Variants in LDB3 observed in about 807,000 individuals in gnomAD.
The protein encoded by LDB3 is LIM domain-binding protein 3.
A neutral mutation model predicts 69.0 loss-of-function variants in LDB3; 49 were observed. The observed-to-expected ratio is 0.71, with a 90% CI of 0.56 to 0.90. The LOEUF is 0.90. Among genes scored for constraint, LDB3 ranks in the 40% least tolerant of loss-of-function variants. The probability of loss-of-function intolerance (pLI) is 0.00; values close to 1 mark genes in which losing one functional copy is unlikely to be tolerated. For missense variants in LDB3, 928 were observed against 974.1 expected (o/e 0.95, Z 0.63); for synonymous variants, 387 against 396.2 (o/e 0.98, Z 0.28).
At chr10:86,668,129 G>C (rs1455879607), upstream of LDB3, among the ~76,000 whole-genome samples, 1 of 152,174 alleles carries the variant, frequency 6.6e-6, no homozygotes, top group East Asian at 1.9e-4. Context: ...GGCACCTCCA[G>C]GGCCCCATAC....
intron 5 of LDB3, among the ~76,000 whole-genome samples, chr10:86,683,456 G>T (rs1005044959): frequency 6.6e-6 from 1 of 152,238 alleles, no homozygotes; most frequent in Non-Finnish European, 1.5e-5. Flanking sequence ...ACTCCACTTT[G>T]CATTGAGACA....
At position 86,701,773 on chromosome 10, in the gene LDB3, C is replaced by T. The variant is rs1304171130; in HGVS notation, c.897-4758C>T. Reference sequence around the variant, plus strand: ...GGACAGATACTCTAAGCAGAACAAGCAGAGGTGCTGATGAGAAGTGGTGTC... The same window carrying T: ...GGACAGATACTCTAAGCAGAACAAGTAGAGGTGCTGATGAGAAGTGGTGTC... On this transcript the variant is annotated intron_variant, in intron 7 of 13. Transcript: ENST00000361373. Among the ~76,000 whole-genome samples the T allele has an allele frequency of 3.9e-5, 6 of 152,288 alleles. No individual in the cohort carries two copies. In the South Asian group the frequency reaches 1.2e-3, roughly 32 times the overall value.
intron 2 of LDB3, among the ~76,000 whole-genome samples, chr10:86,669,794 C>A (rs950695575): frequency 6.6e-6 from 1 of 152,352 alleles, no homozygotes; most frequent in African/African-American, 2.4e-5. Context: ...GGGGGAGGCC[C>A]CCAGTCTGTC....
chr10:86,681,594 C>T lies in LDB3; in HGVS notation c.480C>T (p.Asp160=), dbSNP rs936625450. 7.4e-6 allele frequency: 12 copies of T among 1,612,914 alleles called. No individual in the cohort carries two copies. The highest frequency in any genetic ancestry group is 1.3e-5 in the African/African-American group (1 of 74,944). The change falls in exon 5 of 14, where the codon GAC becomes GAT. Residue 160 remains aspartate, a synonymous_variant. Transcript: ENST00000361373. ...TCTCCTCACTCGCCGAGGCCTCTGA[C>T]CCTGGCCCTCCGCGGGCCAGCCTGA... ...SAFSSLAEAS[D]PGPPRASLRA...
chr10:86,703,520 C>T (rs1451196973), intron 7 of LDB3, among the ~76,000 whole-genome samples: 1 of 152,208 alleles, frequency 6.6e-6, no homozygotes, highest in East Asian at 1.9e-4. Context: ...CTGCTCTTGC[C>T]CATCCCAAAA....
chr10:86,701,745 G>C (rs1010319660), intron 7 of LDB3, among the ~76,000 whole-genome samples: 22 of 152,174 alleles, frequency 1.4e-4, no homozygotes, highest in African/African-American at 5.1e-4. Context: ...GATACAAAAG[G>C]CTGGACAGAT....
chr10:86,689,137 T>A (rs1167588739), intron 5 of LDB3, among the ~76,000 whole-genome samples: 1 of 152,162 alleles, frequency 6.6e-6, no homozygotes, highest in African/African-American at 2.4e-5. Context: ...TTTTTCTTCC[T>A]CCTTCACCCA....
intron 9 of LDB3, among the ~76,000 whole-genome samples, chr10:86,714,553 CT>C (rs11306108): frequency 0.2 from 25,088 of 124,094 alleles, 2,193 homozygotes; most frequent in East Asian, 0.52. Flanking sequence ...AAGGTATTAT[CT>C]TTTTTTTTTT....
chr10:86,688,050 C>CGTGTGTGTGTGTGTGTGTGT (rs71487273), intron 5 of LDB3, among the ~76,000 whole-genome samples: 1 of 102,894 alleles, frequency 9.7e-6, no homozygotes, highest in Non-Finnish European at 2.0e-5. Flanking sequence ...CCCCGACCCT[C>CGTGTGTGTGTGTGTGTGTGT]GTGTGTGTGT....
rs111805349 is a variant in LDB3, at chr10:86,728,997, T to A, written c.2094+2745T>A. On this transcript the variant is annotated intron_variant, in intron 13 of 13. Transcript: ENST00000361373. ...CTTCATATTTCCAAATCACTTTTGA[T>A]GAGCATGTATTTTCCTGTAACTTCC... 8.8e-3 allele frequency among the ~76,000 whole-genome samples: 1,341 copies of A among 152,190 alleles called. 10 individuals are homozygous for A. The highest frequency in any genetic ancestry group is 0.014 in the Middle Eastern group (4 of 294).
In LDB3 at chr10:86,716,343, C is replaced by T; in HGVS notation, c.1248C>T (p.Tyr416=). The change falls in exon 10 of 14, where the codon TAC becomes TAT. Residue 416 remains tyrosine (Y), a synonymous_variant. Transcript: ENST00000361373. ...CTTTTGCAGTGCCTGCATCTACCTA[C>T]AGCCCGTCCCCAGGGGCCAATTACA... ...SVYQPVPAST[Y]SPSPGANYSP... 6.2e-7 allele frequency: 1 copy of T among 1,611,596 alleles called. No homozygotes were observed. The highest frequency in any genetic ancestry group is 8.5e-7 in the Non-Finnish European group (1 of 1,179,894).
At chr10:86,692,693 CT>C (rs1214816974) in intron 7 of LDB3, 122 bp downstream of exon 7, 1 of 893,472 alleles carries the variant, frequency 1.1e-6, no homozygotes, top group Non-Finnish European at 1.9e-6. Context: ...AAAGCCTGGC[CT>C]GCAAAGGGCT....
Position 86,699,823 on chromosome 10 carries a change from C to T in LDB3, c.897-6708C>T. On this transcript the variant is annotated intron_variant, in intron 7 of 13. Coordinates refer to ENST00000361373, the MANE Select transcript of LDB3 (RefSeq NM_007078.3). The surrounding 1 kb of genome is among the most constrained non-coding windows in gnomAD (Gnocchi z 4.9). ...GTCTGGGGAAGAGGCTGATCCCTGG[C>T]GCTGCCCGGCTCCCTCGCTGCCCTC... 7.8e-6 allele frequency: 8 copies of T among 1,026,932 alleles called. No individual in the cohort carries two copies. The highest frequency in any genetic ancestry group is 5.1e-5 in the Admixed American group (1 of 19,748). 63.6% of individuals were successfully genotyped at this position (1,026,932 alleles called of 1,614,324 possible). A position where few individuals can be genotyped will look rare whatever the true frequency, so the allele number is the denominator to read the frequency against.
intron 5 of LDB3, among the ~76,000 whole-genome samples, chr10:86,689,406 CACCT>C (rs1845654966): frequency 6.6e-6 from 1 of 152,214 alleles, no homozygotes; most frequent in Admixed American, 6.5e-5. Context: ...TCCTCACACC[CACCT>C]GTCAGCCAAA....
chr10:86,725,833 T>A (rs927989511), intron 12 of LDB3, among the ~76,000 whole-genome samples: 1 of 152,140 alleles, frequency 6.6e-6, no homozygotes, highest in Non-Finnish European at 1.5e-5. Context: ...ATCCGTTTGG[T>A]CTATTAGAGG....
intron 2 of LDB3, 42 bp downstream of exon 2, chr10:86,668,826 C>T (rs1461672424): frequency 4.7e-6 from 7 of 1,474,334 alleles, no homozygotes; most frequent in African/African-American, 1.4e-5. Flanking sequence ...ATGGGGCAGG[C>T]ACGCTTGGAG....
intron 7 of LDB3, among the ~76,000 whole-genome samples, chr10:86,693,524 T>G (rs1845869388): frequency 6.6e-6 from 1 of 152,198 alleles, no homozygotes; most frequent in South Asian, 2.1e-4. Context: ...GGAGCCAGCT[T>G]AGACTTGTGG....
In LDB3 at chr10:86,706,737, G is replaced by A; in HGVS notation, c.1085+18G>A. On this transcript the variant is annotated intron_variant, in intron 8 of 13. Coordinates refer to ENST00000361373, the MANE Select transcript of LDB3 (RefSeq NM_007078.3). ...AGCCCAAGGTAACTGGGCCACAGGT[G>A]CTGGGCCTGACCCTGGGGAAGGGAG... is the stretch of plus-strand genomic sequence containing the variant. 1.2e-6 allele frequency: 2 copies of A among 1,602,618 alleles called. No individual in the cohort carries two copies. The highest frequency in any genetic ancestry group is 1.7e-6 in the Non-Finnish European group (2 of 1,174,624).
chr10:86,674,762 A>G (rs1481754223), intron 2 of LDB3, among the ~76,000 whole-genome samples: 1 of 152,210 alleles, frequency 6.6e-6, no homozygotes, highest in African/African-American at 2.4e-5. Context: ...AAACACAGAA[A>G]GGAAAGAGGA....
Sources: allele counts gnomAD v4.1 joint callset (sites outside exome capture counted in the v4.1 genomes callset), GRCh38; gene constraint gnomAD v4.1.1; non-coding constraint Gnocchi (gnomAD v3.1); transcripts MANE v1.5; gene names NCBI Gene and HGNC (gene_info 2026-07-23, HGNC 2026-07-21).